The following SERINC5 variants were observed in gnomAD, a reference collection of about 807,000 sequenced individuals.
SERINC5 encodes the protein chromosome 5 open reading frame 12.
SERINC5 carries 41 observed loss-of-function variants against 63.1 expected under a neutral mutation model. The observed-to-expected ratio is 0.65, with a 90% CI of 0.51 to 0.84. The LOEUF is 0.84. SERINC5 is among the 40% of genes least tolerant of loss of function. The probability of loss-of-function intolerance (pLI) is 0.00; values close to 1 mark genes in which losing one functional copy is unlikely to be tolerated. For synonymous variants in SERINC5, 222 were observed against 215.2 expected (o/e 1.03, Z -0.28); for missense variants, 523 against 573.0 (o/e 0.91, Z 0.89).
At chr5:80,253,374 G>A (rs1752512795) in intron 1 of SERINC5, among the ~76,000 whole-genome samples, 1 of 152,088 alleles carries the variant, frequency 6.6e-6, no homozygotes, top group African/African-American at 2.4e-5. Context: ...ATCCACTTAG[G>A]TTTTCCTCAC....
At chr5:80,240,923 T>G (rs1751912193) in intron 1 of SERINC5, among the ~76,000 whole-genome samples, 1 of 152,138 alleles carries the variant, frequency 6.6e-6, no homozygotes, top group African/African-American at 2.4e-5. Context: ...TCCGCCCACC[T>G]CAGTCCCCAA....
chr5:80,180,866 T>C (rs1386909620), intron 2 of SERINC5, among the ~76,000 whole-genome samples: 3 of 152,224 alleles, frequency 2.0e-5, no homozygotes, highest in South Asian at 4.1e-4. Flanking sequence ...GTGTGAAATG[T>C]AACAGACTGC....
chr5:80,140,372 A>ACATTACAC lies in SERINC5; in HGVS notation c.*3283_*3290dup. ...ATTTTGACATGGGGACAGGAAATTA[A>ACATTACAC]CATTACACTGAGGTTATTCATAATA... On this transcript the variant is annotated 3_prime_UTR_variant, in exon 12 of 12. Coordinates refer to ENST00000507668, the MANE Select transcript of SERINC5 (RefSeq NM_001174072.3). 1.0e-6 allele frequency: 1 copy of ACATTACAC among 983,942 alleles called. No individual in the cohort carries two copies. Among genetic ancestry groups the ACATTACAC allele is most frequent in the Non-Finnish European group, 1.2e-6 (1 of 829,458 alleles). The allele number at this position is 983,942 out of a possible 1,614,324, so 61.0% of individuals were successfully genotyped here.
intron 8 of SERINC5, among the ~76,000 whole-genome samples, chr5:80,152,756 C>T (rs1396116550): frequency 6.6e-6 from 1 of 152,000 alleles, no homozygotes; most frequent in African/African-American, 2.4e-5. Context: ...GCCTGGCCAA[C>T]ATGGCAAAAC....
At chr5:80,221,314 C>T (rs1173502089) in intron 1 of SERINC5, among the ~76,000 whole-genome samples, 2 of 152,234 alleles carry the variant, frequency 1.3e-5, no homozygotes, top group Admixed American at 6.5e-5. Context: ...GATGACAACA[C>T]GCCACACACC....
intron 2 of SERINC5, among the ~76,000 whole-genome samples, chr5:80,193,266 G>A (rs1038989276): frequency 2.0e-5 from 3 of 152,090 alleles, no homozygotes; most frequent in Non-Finnish European, 4.4e-5. Context: ...TGTTCCCATC[G>A]CTCTGAGGCT....
chr5:80,255,451 G>A (rs905580974), intron 1 of SERINC5, among the ~76,000 whole-genome samples: 5 of 152,146 alleles, frequency 3.3e-5, no homozygotes, highest in Admixed American at 6.5e-5. Flanking sequence ...ACCTGCCTGG[G>A]TTGTTTGACC....
chr5:80,130,313 G>T (rs1292482240), intron 11 of SERINC5, among the ~76,000 whole-genome samples: 2 of 152,082 alleles, frequency 1.3e-5, no homozygotes, highest in African/African-American at 4.8e-5. Context: ...CCAGGAGGCA[G>T]AGGTTGCAGT....
chr5:80,219,268 C>T (rs1352582323), intron 1 of SERINC5, among the ~76,000 whole-genome samples: 1 of 152,154 alleles, frequency 6.6e-6, no homozygotes, highest in African/African-American at 2.4e-5. Flanking sequence ...CCTGGTAGTG[C>T]CATGAAAGTC....
chr5:80,140,029 C>T lies in SERINC5; in HGVS notation c.*3634G>A. On this transcript the variant is annotated 3_prime_UTR_variant, in exon 12 of 12. Coordinates refer to ENST00000507668, the MANE Select transcript of SERINC5 (RefSeq NM_001174072.3). ...GGCAAAAATTAAATAAATACATCAT[C>T]TTAAAAAGGCAGAGGGTAGGCTGCG... 1.0e-6 allele frequency: 1 copy of T among 985,314 alleles called. No homozygotes were observed. Among genetic ancestry groups the T allele is most frequent in the African/African-American group, 1.7e-5 (1 of 57,310 alleles). The allele number at this position is 985,314 out of a possible 1,614,324, so 61.0% of individuals were successfully genotyped here. A position where few individuals can be genotyped will look rare whatever the true frequency, so the allele number is the denominator to read the frequency against.
intron 1 of SERINC5, among the ~76,000 whole-genome samples, chr5:80,228,232 GGGAGGGAGGGAGGGAAA>G (rs1751255982): frequency 3.1e-5 from 4 of 129,896 alleles, no homozygotes; most frequent in Admixed American, 2.4e-4. Flanking sequence ...GAGTGAGGGA[GGGAGGGAGGGAGGGAAA>G]GGAGGGAGGG....
intron 2 of SERINC5, among the ~76,000 whole-genome samples, chr5:80,183,920 G>C (rs1748631451): frequency 6.6e-6 from 1 of 152,176 alleles, no homozygotes; most frequent in Non-Finnish European, 1.5e-5. Flanking sequence ...CCGCAGGCGG[G>C]TAATGAGAAG....
chr5:80,139,469 G>A lies in SERINC5; in HGVS notation c.*4194C>T. 1 of 985,172 alleles carries A rather than the reference G, an allele frequency of 1.0e-6. No individual in the cohort carries two copies. The highest frequency in any genetic ancestry group is 1.2e-6 in the Non-Finnish European group (1 of 829,876). 61.0% of individuals were successfully genotyped at this position (985,172 alleles called of 1,614,324 possible). ...ATTGGGACATATGCATTCTTAATCT[G>A]CCCTTCCCCATTTGTTTCTTTCTGA... On this transcript the variant is annotated 3_prime_UTR_variant, in exon 12 of 12. Transcript: ENST00000507668.
At chr5:80,123,764 T>C (rs945735191) in intron 11 of SERINC5, among the ~76,000 whole-genome samples, 2 of 152,170 alleles carry the variant, frequency 1.3e-5, no homozygotes, top group Non-Finnish European at 2.9e-5. Context: ...ACGTGCAGGG[T>C]CCATCAGTAT....
chr5:80,205,101 T>C lies in SERINC5; in HGVS notation c.28-2048A>G, dbSNP rs561866132. 7.2e-5 allele frequency among the ~76,000 whole-genome samples: 11 copies of C among 152,298 alleles called. No homozygotes were observed. The South Asian group carries it at 2.3e-3, about 32-fold the overall frequency. ...TGTGTTTACCCAACACATGCCCGTGTCTGCACTGATAAGGAGAGTTACACA... is the reference window on the plus strand; with the variant it reads ...TGTGTTTACCCAACACATGCCCGTGCCTGCACTGATAAGGAGAGTTACACA... On this transcript the variant is annotated intron_variant, in intron 1 of 11. Coordinates refer to ENST00000507668, the MANE Select transcript of SERINC5 (RefSeq NM_001174072.3).
chr5:80,235,843 T>A (rs1309322757), intron 1 of SERINC5, among the ~76,000 whole-genome samples: 1 of 152,036 alleles, frequency 6.6e-6, no homozygotes. Flanking sequence ...AAATGATCCC[T>A]AACCTTTTAA....
In SERINC5 at chr5:80,156,055, G is replaced by A. The variant is rs150708139; in HGVS notation, c.986+2781C>T. Among the ~76,000 whole-genome samples the A allele has an allele frequency of 3.9e-3, 588 of 152,268 alleles. 5 individuals are homozygous for A. The highest frequency in any genetic ancestry group is 0.013 in the African/African-American group (559 of 41,552). On this transcript the variant is annotated intron_variant, in intron 8 of 11. Transcript: ENST00000507668. ...GTGGGGCTTGGGGGCTCTGGAGGGCGAAGGGAAAGAGAGGAGCTAGGGAGA... is the reference window on the plus strand; with the variant it reads ...GTGGGGCTTGGGGGCTCTGGAGGGCAAAGGGAAAGAGAGGAGCTAGGGAGA...
chr5:80,122,382 T>A (rs1481380430), intron 11 of SERINC5, among the ~76,000 whole-genome samples: 2 of 152,024 alleles, frequency 1.3e-5, no homozygotes, highest in Non-Finnish European at 2.9e-5. Flanking sequence ...TGCCTGCTTA[T>A]ATTCTAGCAG....
intron 1 of SERINC5, among the ~76,000 whole-genome samples, chr5:80,246,116 A>T (rs1752160237): frequency 6.6e-6 from 1 of 152,194 alleles, no homozygotes; most frequent in African/African-American, 2.4e-5. Flanking sequence ...TGGAAACAAA[A>T]TACTGCCATT....
Sources: allele counts gnomAD v4.1 joint callset (sites outside exome capture counted in the v4.1 genomes callset), GRCh38; gene constraint gnomAD v4.1.1; transcripts MANE v1.5; gene names NCBI Gene and HGNC (gene_info 2026-07-23, HGNC 2026-07-21).